Variants in AGBL4 observed in about 807,000 individuals in gnomAD.
AGBL4 encodes AGBL carboxypeptidase 4.
In AGBL4, 58 loss-of-function variants were observed where a neutral mutation model predicts 66.4. That is an observed-to-expected ratio of 0.87 (90% CI 0.71 to 1.09). The LOEUF (loss-of-function observed/expected upper bound fraction) is 1.09, where lower values mean the gene tolerates loss of function less well. Ranked by LOEUF, AGBL4 falls within the 50% of genes least tolerant of loss-of-function variation. The pLI is 0.00. For missense variants in AGBL4, 579 were observed against 631.0 expected (o/e 0.92, Z 0.88); for synonymous variants, 234 against 222.9 (o/e 1.05, Z -0.44).
intron 6 of AGBL4, among the ~76,000 whole-genome samples, chr1:48,664,334 T>C (rs1012868091): frequency 6.6e-6 from 1 of 152,222 alleles, no homozygotes; most frequent in Non-Finnish European, 1.5e-5. Context: ...AGCTGTGAAC[T>C]GCACAGTCCT....
intron 3 of AGBL4, among the ~76,000 whole-genome samples, chr1:49,562,532 G>A (rs1571043911): frequency 6.6e-6 from 1 of 152,090 alleles, no homozygotes; most frequent in Admixed American, 6.6e-5. Context: ...CTTATGGCTA[G>A]CCAGTTTTCC....
chr1:49,450,091 A>G (rs1010051409), intron 3 of AGBL4, among the ~76,000 whole-genome samples: 2 of 152,096 alleles, frequency 1.3e-5, no homozygotes, highest in Admixed American at 6.6e-5. Flanking sequence ...CTTTGGTTTC[A>G]ATTTTTAAAT....
chr1:49,402,055 G>A (rs1432431684), intron 3 of AGBL4, among the ~76,000 whole-genome samples: 2 of 151,862 alleles, frequency 1.3e-5, no homozygotes, highest in Admixed American at 6.6e-5. Context: ...ATTTATTTGG[G>A]TTTTCTTTCT....
At chr1:49,356,922 A>G (rs1358346442) in intron 3 of AGBL4, among the ~76,000 whole-genome samples, 2 of 152,234 alleles carry the variant, frequency 1.3e-5, no homozygotes, top group East Asian at 1.9e-4. Context: ...CCTCAAAGCC[A>G]CATGTCCAGT....
intron 2 of AGBL4, among the ~76,000 whole-genome samples, chr1:49,835,697 C>A (rs961732145): frequency 1.3e-5 from 2 of 152,260 alleles, no homozygotes; most frequent in South Asian, 2.1e-4. Context: ...TATGTTTTTG[C>A]AGTGGCTGGT....
chr1:48,807,601 T>C (rs998749323), intron 6 of AGBL4, among the ~76,000 whole-genome samples: 2 of 152,226 alleles, frequency 1.3e-5, no homozygotes, highest in Non-Finnish European at 2.9e-5. Flanking sequence ...CAGCGTGTGA[T>C]CTGCTCTTCT....
chr1:49,303,211 T>C (rs1374352432), intron 3 of AGBL4, among the ~76,000 whole-genome samples: 4 of 152,130 alleles, frequency 2.6e-5, no homozygotes, highest in African/African-American at 9.7e-5. Flanking sequence ...GTATTTCTGG[T>C]TCTAGGTCTT....
At chr1:48,815,591 G>T (rs1332291343) in intron 6 of AGBL4, among the ~76,000 whole-genome samples, 1 of 152,140 alleles carries the variant, frequency 6.6e-6, no homozygotes. Context: ...TTTTTTGAGA[G>T]AAGTAAACTA....
At chr1:48,883,470 C>G (rs548171494) in intron 5 of AGBL4, among the ~76,000 whole-genome samples, 4 of 152,296 alleles carry the variant, frequency 2.6e-5, no homozygotes, top group Non-Finnish European at 5.9e-5. Flanking sequence ...TTATGAGGTG[C>G]CAAAATTATC....
chr1:48,637,746 G>T (rs951329266), intron 8 of AGBL4, among the ~76,000 whole-genome samples: 1 of 152,210 alleles, frequency 6.6e-6, no homozygotes, highest in African/African-American at 2.4e-5. Flanking sequence ...AAGCCCCTTC[G>T]TATAAATTCC....
intron 3 of AGBL4, among the ~76,000 whole-genome samples, chr1:49,330,182 C>T (rs1444757141): frequency 2.0e-5 from 3 of 152,128 alleles, no homozygotes; most frequent in East Asian, 3.9e-4. Flanking sequence ...TTTGGGAGGC[C>T]GAGGTGGGCA....
chr1:49,817,062 C>T (rs1050890965), intron 2 of AGBL4, among the ~76,000 whole-genome samples: 6 of 152,158 alleles, frequency 3.9e-5, no homozygotes, highest in African/African-American at 1.4e-4. Context: ...AAGAGGCAGC[C>T]CTATATACAC....
At chr1:49,296,627 G>A (rs941163714) in intron 3 of AGBL4, among the ~76,000 whole-genome samples, 1 of 152,168 alleles carries the variant, frequency 6.6e-6, no homozygotes, top group Non-Finnish European at 1.5e-5. Flanking sequence ...CCATGGAAAG[G>A]TCATAGCCCT....
chr1:49,948,033 T>TATATAAATATATAAATATATATAA (rs1553151835), intron 1 of AGBL4, among the ~76,000 whole-genome samples: 1 of 28,444 alleles, frequency 3.5e-5, no homozygotes, highest in African/African-American at 1.3e-4. Flanking sequence ...TATAAATATA[T>TATATAAATATATAAATATATATAA]ATACATATAA....
chr1:49,265,781 T>A (rs1643906268), intron 3 of AGBL4, among the ~76,000 whole-genome samples: 1 of 152,180 alleles, frequency 6.6e-6, no homozygotes. Context: ...AATTTATAGA[T>A]ATGTTTCCTA....
At position 48,599,923 on chromosome 1, in the gene AGBL4, C is replaced by CGT. The variant is rs1246101870; in HGVS notation, c.952-8940_952-8939dup. The stretch of plus-strand genomic sequence containing the variant: ...TGTGTGTAACACCTCTGGGAGAAAG[C>CGT]GTGGACCGAGAGGAGGTCCTGGGAC... On this transcript the variant is annotated intron_variant, in intron 9 of 13. Coordinates refer to ENST00000371839, the MANE Select transcript of AGBL4 (RefSeq NM_032785.4). 2.6e-5 allele frequency among the ~76,000 whole-genome samples: 4 copies of CGT among 152,174 alleles called. No homozygotes were observed. In the East Asian group the frequency reaches 7.7e-4, roughly 29 times the overall value.
chr1:48,641,020 C>T (rs769303403), intron 8 of AGBL4, among the ~76,000 whole-genome samples: 4 of 152,020 alleles, frequency 2.6e-5, no homozygotes, highest in South Asian at 2.1e-4. Context: ...CCCTGAGCAC[C>T]GTGAGGCTGC....
chr1:49,707,910 C>T (rs1487527776), intron 2 of AGBL4, among the ~76,000 whole-genome samples: 1 of 152,148 alleles, frequency 6.6e-6, no homozygotes, highest in Non-Finnish European at 1.5e-5. Flanking sequence ...AGGGTTTCTG[C>T]AGAGACATCC....
At chr1:48,972,588 G>A (rs1658999143) in intron 5 of AGBL4, among the ~76,000 whole-genome samples, 1 of 152,106 alleles carries the variant, frequency 6.6e-6, no homozygotes, top group Non-Finnish European at 1.5e-5. Context: ...CTTTCTTACA[G>A]CGTAGCTAGA....
Sources: allele counts gnomAD v4.1 joint callset (sites outside exome capture counted in the v4.1 genomes callset), GRCh38; gene constraint gnomAD v4.1.1; transcripts MANE v1.5; gene names NCBI Gene and HGNC (gene_info 2026-07-23, HGNC 2026-07-21).